The following HDAC9 variants were observed in gnomAD, a reference collection of about 807,000 sequenced individuals.
HDAC9 encodes MEF-2 interacting transcription repressor (MITR) protein.
In HDAC9, 41 loss-of-function variants were observed where a neutral mutation model predicts 139.4. The ratio of observed to expected loss-of-function variants is 0.29; its 90% confidence interval spans 0.23 to 0.38. The LOEUF (loss-of-function observed/expected upper bound fraction) is 0.38. Among genes scored for constraint, HDAC9 ranks in the 10% least tolerant of loss-of-function variants. HDAC9 has a pLI of 1.00. For missense variants in HDAC9, 1,147 were observed against 1,297.0 expected, an observed-to-expected ratio of 0.88 and a Z score of 1.78; for synonymous variants, 517 against 476.2, an observed-to-expected ratio of 1.09 and a Z score of -1.12.
At chr7:18,673,541 T>C (rs1421310242) in intron 12 of HDAC9, among the ~76,000 whole-genome samples, 1 of 152,080 alleles carries the variant, frequency 6.6e-6, no homozygotes, top group Non-Finnish European at 1.5e-5. Flanking sequence ...TTTAAATATA[T>C]ATTAAGTCAT....
At chr7:18,708,502 C>G (rs1428239303) in intron 12 of HDAC9, among the ~76,000 whole-genome samples, 2 of 152,128 alleles carry the variant, frequency 1.3e-5, no homozygotes, top group Non-Finnish European at 2.9e-5. Flanking sequence ...ATCATAAGGG[C>G]TTTCTGCATA....
intron 2 of HDAC9, among the ~76,000 whole-genome samples, chr7:18,212,583 A>G (rs1386314592): frequency 6.6e-6 from 1 of 152,202 alleles, no homozygotes; most frequent in Non-Finnish European, 1.5e-5. Flanking sequence ...ATGGGATAAT[A>G]ATTGTACCAG....
intron 17 of HDAC9, among the ~76,000 whole-genome samples, chr7:18,810,622 A>C (rs765629044): frequency 5.3e-5 from 8 of 151,934 alleles, no homozygotes; most frequent in Non-Finnish European, 1.0e-4. Flanking sequence ...CCTGACTATC[A>C]CCACAAATTA....
intron 1 of HDAC9, among the ~76,000 whole-genome samples, chr7:18,360,735 A>G (rs538054513): frequency 7.4e-4 from 112 of 152,018 alleles, no homozygotes; most frequent in Admixed American, 3.1e-3. Context: ...ATTGCTGACA[A>G]TTTTTTTTAT....
intron 2 of HDAC9, among the ~76,000 whole-genome samples, chr7:18,171,494 T>A (rs145741389): frequency 0.17 from 26,546 of 151,984 alleles, 2,747 homozygotes; most frequent in South Asian, 0.34. Context: ...TGAATAGGAG[T>A]GGTGAGAGAG....
rs550736101 is a variant in HDAC9 at position 18,151,067 on chromosome 7, A to AT, written c.-96-11152dup. On this transcript the variant is annotated intron_variant, in intron 1 of 12. Coordinates refer to the HDAC9 transcript ENST00000417496. ...TTTTAATACATGCATATATATATGC[A>AT]TTTTTTTTTTGCAGAACTGGAATAT... is the stretch of plus-strand genomic sequence containing the variant. Among the ~76,000 whole-genome samples the AT allele has an allele frequency of 9.4e-3, 1,409 of 149,402 alleles. 20 individuals are homozygous for AT. The highest frequency in any genetic ancestry group is 0.029 in the African/African-American group (1,185 of 40,874).
intron 2 of HDAC9, among the ~76,000 whole-genome samples, chr7:18,539,881 C>T (rs1353822285): frequency 6.6e-6 from 1 of 151,746 alleles, no homozygotes; most frequent in Non-Finnish European, 1.5e-5. Context: ...TTACCATATG[C>T]CAATTTGTTT....
At chr7:18,344,274 T>A (rs1188785242) in intron 1 of HDAC9, among the ~76,000 whole-genome samples, 1 of 151,886 alleles carries the variant, frequency 6.6e-6, no homozygotes, top group East Asian at 1.9e-4. Context: ...GTATTATTTG[T>A]TGATTATGTA....
In HDAC9 at chr7:18,597,826, A is replaced by T. The variant is rs146942796; in HGVS notation, c.664+3797A>T. On this transcript the variant is annotated intron_variant, in intron 6 of 25. Transcript: ENST00000686413. ...ATTAACCTCTTAAAGTGCACAAGCCATGTAAAGCTTGGCTTGGGCTGATAA... is the reference window on the plus strand; with the variant it reads ...ATTAACCTCTTAAAGTGCACAAGCCTTGTAAAGCTTGGCTTGGGCTGATAA... 9.5e-4 allele frequency among the ~76,000 whole-genome samples: 144 copies of T among 152,294 alleles called. 1 individual carries two copies. Among genetic ancestry groups the T allele is most frequent in the African/African-American group, 3.3e-3 (139 of 41,574 alleles).
chr7:18,523,026 G>A (rs1469828468), intron 2 of HDAC9, among the ~76,000 whole-genome samples: 1 of 152,178 alleles, frequency 6.6e-6, no homozygotes, highest in Non-Finnish European at 1.5e-5. Flanking sequence ...ACTAGACTTT[G>A]CAATATTGAG....
chr7:18,589,206 T>G (rs1412393843), intron 3 of HDAC9, among the ~76,000 whole-genome samples: 7 of 152,068 alleles, frequency 4.6e-5, no homozygotes, highest in African/African-American at 1.7e-4. Context: ...TGAGTGGAAA[T>G]AGACATCTCA....
intron 25 of HDAC9, among the ~76,000 whole-genome samples, chr7:18,976,219 C>G (rs891660792): frequency 6.6e-6 from 1 of 152,214 alleles, no homozygotes; most frequent in Admixed American, 6.5e-5. Flanking sequence ...AAAATCACGC[C>G]TTATCAGATA....
intron 12 of HDAC9, chr7:18,666,970 T>G: frequency 1.0e-6 from 1 of 986,818 alleles, no homozygotes; most frequent in Non-Finnish European, 1.2e-6. Flanking sequence ...TACTATAGTC[T>G]TGAACACTGT....
chr7:18,673,748 A>G lies in HDAC9; in HGVS notation c.1731+7272A>G, dbSNP rs530210818. Among the ~76,000 whole-genome samples the G allele has an allele frequency of 4.6e-5, 7 of 152,138 alleles. No homozygotes were observed. In the South Asian group the frequency reaches 1.2e-3, roughly 27 times the overall value. ...CAATTTGAAAATAGATGGGCTATAAAACTTGAACAGATGAATTTTTGCTCT... is the reference window on the plus strand; with the variant it reads ...CAATTTGAAAATAGATGGGCTATAAGACTTGAACAGATGAATTTTTGCTCT... On this transcript the variant is annotated intron_variant, in intron 12 of 25. Transcript: ENST00000686413.
chr7:18,115,480 C>G (rs1310939760), intron 1 of HDAC9, among the ~76,000 whole-genome samples: 1 of 152,136 alleles, frequency 6.6e-6, no homozygotes, highest in Non-Finnish European at 1.5e-5. Context: ...AAATTACATT[C>G]CACCATGAAA....
intron 1 of HDAC9, among the ~76,000 whole-genome samples, chr7:18,370,474 A>G (rs891362922): frequency 5.9e-5 from 9 of 152,302 alleles, no homozygotes; most frequent in Non-Finnish European, 1.3e-4. Flanking sequence ...AGAGAAGTCC[A>G]TGTAGTTAAA....
At chr7:18,684,848 C>G (rs781293808) in intron 12 of HDAC9, among the ~76,000 whole-genome samples, 2 of 151,930 alleles carry the variant, frequency 1.3e-5, no homozygotes, top group Non-Finnish European at 2.9e-5. Flanking sequence ...ATGGAAAACT[C>G]CCCTCCACCT....
At chr7:18,105,794 A>G (rs963505456) in intron 1 of HDAC9, among the ~76,000 whole-genome samples, 2 of 152,198 alleles carry the variant, frequency 1.3e-5, no homozygotes, top group South Asian at 4.1e-4. Context: ...ATTCATGTCC[A>G]TTTATAATAG....
At chr7:18,899,521 C>G (rs1288076993) in intron 22 of HDAC9, 2 of 151,862 alleles carry the variant, frequency 1.3e-5, no homozygotes, top group Non-Finnish European at 2.9e-5. Flanking sequence ...ATAGATCGTA[C>G]TTCAAAAATT....
Sources: allele counts gnomAD v4.1 joint callset (sites outside exome capture counted in the v4.1 genomes callset), GRCh38; gene constraint gnomAD v4.1.1; transcripts MANE v1.5; gene names NCBI Gene and HGNC (gene_info 2026-07-23, HGNC 2026-07-21).